CSGALNACT1: variants seen among roughly 807,000 people sequenced by gnomAD.
The protein encoded by CSGALNACT1 is beta4GalNAcT-1.
In CSGALNACT1, 52 loss-of-function variants were observed where a neutral mutation model predicts 51.0. The ratio of observed to expected loss-of-function variants is 1.02; its 90% CI spans 0.82 to 1.29. The LOEUF (loss-of-function observed/expected upper bound fraction) is 1.29, where lower values mean the gene tolerates loss of function less well. Among genes scored for constraint, CSGALNACT1 ranks in the 50% most tolerant of loss-of-function variants. The probability of loss-of-function intolerance (pLI) is 0.00; values close to 1 mark genes in which losing one functional copy is unlikely to be tolerated. For missense variants in CSGALNACT1, 935 were observed against 679.2 expected (o/e 1.38, Z -4.19); for synonymous variants, 341 against 254.4 (o/e 1.34, Z -3.24).
chr8:19,462,453 C>T (rs1336481303), intron 4 of CSGALNACT1, among the ~76,000 whole-genome samples: 2 of 152,074 alleles, frequency 1.3e-5, no homozygotes, highest in African/African-American at 4.8e-5. Flanking sequence ...ATACCTAAAC[C>T]TGTCTCAAGA....
intron 3 of CSGALNACT1, among the ~76,000 whole-genome samples, chr8:19,540,751 G>T (rs1051117890): frequency 8.5e-5 from 13 of 152,052 alleles, no homozygotes; most frequent in Admixed American, 5.2e-4. Context: ...GGAGAGCTTT[G>T]TTCACCCTGC....
At chr8:19,479,626 C>G (rs1030878270) in intron 4 of CSGALNACT1, among the ~76,000 whole-genome samples, 2 of 152,110 alleles carry the variant, frequency 1.3e-5, no homozygotes, top group African/African-American at 4.8e-5. Context: ...GCTGTTCTAA[C>G]CAGGCAAATA....
At chr8:19,657,372 A>G (rs1490501822) in intron 1 of CSGALNACT1, among the ~76,000 whole-genome samples, 2 of 152,202 alleles carry the variant, frequency 1.3e-5, no homozygotes, top group Non-Finnish European at 2.9e-5. Flanking sequence ...AAAAGGAAAG[A>G]ATGGATCAGA....
intron 3 of CSGALNACT1, among the ~76,000 whole-genome samples, chr8:19,518,963 G>A (rs1381219419): frequency 2.0e-5 from 3 of 152,280 alleles, no homozygotes; most frequent in African/African-American, 4.8e-5. Flanking sequence ...TCTCCTTCCT[G>A]ATAAAATGAT....
At chr8:19,724,669 C>T (rs1378456865) in intron 1 of CSGALNACT1, among the ~76,000 whole-genome samples, 2 of 152,222 alleles carry the variant, frequency 1.3e-5, no homozygotes, top group Admixed American at 1.3e-4. Flanking sequence ...CTGTTGCACC[C>T]TCAGCTAATA....
chr8:19,478,442 A>G (rs1425952754), intron 4 of CSGALNACT1, among the ~76,000 whole-genome samples: 1 of 144,978 alleles, frequency 6.9e-6, no homozygotes, highest in Non-Finnish European at 1.5e-5. Flanking sequence ...AAAAAAAGGT[A>G]CTGATGTCTG....
chr8:19,624,381 T>C (rs1202806551), intron 1 of CSGALNACT1, among the ~76,000 whole-genome samples: 1 of 152,238 alleles, frequency 6.6e-6, no homozygotes, highest in African/African-American at 2.4e-5. Context: ...ACTGCTTACA[T>C]GTCTTTATGT....
At chr8:19,563,732 C>A (rs1414467054) in intron 3 of CSGALNACT1, among the ~76,000 whole-genome samples, 2 of 152,164 alleles carry the variant, frequency 1.3e-5, no homozygotes, top group Non-Finnish European at 2.9e-5. Context: ...TCAAAGTCAG[C>A]GGATCCAGCC....
intron 3 of CSGALNACT1, chr8:19,585,137 T>C (rs1472507970): frequency 2.0e-5 from 3 of 152,250 alleles, no homozygotes; most frequent in African/African-American, 7.2e-5. Flanking sequence ...GATTACATAG[T>C]GCTTGAACAC....
intron 1 of CSGALNACT1, among the ~76,000 whole-genome samples, chr8:19,707,819 G>A (rs2062261140): frequency 6.6e-6 from 1 of 152,074 alleles, no homozygotes; most frequent in Non-Finnish European, 1.5e-5. Context: ...TGGCCAAGAT[G>A]GTGAAACCCT....
At chr8:19,607,279 A>G (rs1381453854), upstream of CSGALNACT1, among the ~76,000 whole-genome samples, 1 of 152,230 alleles carries the variant, frequency 6.6e-6, no homozygotes. Flanking sequence ...GATTCCCATC[A>G]CAAGCTAACT....
intron 6 of CSGALNACT1, among the ~76,000 whole-genome samples, chr8:19,425,141 G>A (rs942060995): frequency 6.6e-6 from 1 of 152,100 alleles, no homozygotes; most frequent in African/African-American, 2.4e-5. Flanking sequence ...TCAGGAGTTC[G>A]AGACTGAACT....
intron 6 of CSGALNACT1, among the ~76,000 whole-genome samples, chr8:19,427,560 G>C (rs1303588328): frequency 1.3e-5 from 2 of 152,024 alleles, no homozygotes; most frequent in African/African-American, 4.8e-5. Context: ...AGGCCGAGGC[G>C]GGCGGATCAC....
chr8:19,632,151 G>C (rs2055355919), intron 1 of CSGALNACT1, among the ~76,000 whole-genome samples: 2 of 152,326 alleles, frequency 1.3e-5, no homozygotes, highest in South Asian at 4.1e-4. Flanking sequence ...CTTGAAGAAA[G>C]AGAAATCACC....
At chr8:19,519,205 C>T (rs1320624345) in intron 3 of CSGALNACT1, among the ~76,000 whole-genome samples, 1 of 152,098 alleles carries the variant, frequency 6.6e-6, no homozygotes, top group Admixed American at 6.5e-5. Flanking sequence ...GGGGGTCTAC[C>T]AAGTACTGCT....
chr8:19,420,168 T>C (rs2057682499), intron 7 of CSGALNACT1, among the ~76,000 whole-genome samples, 172 bp downstream of exon 6: 1 of 152,244 alleles, frequency 6.6e-6, no homozygotes, highest in Non-Finnish European at 1.5e-5. Context: ...GGTGTGTCTT[T>C]ATTAGCCGCG....
intron 1 of CSGALNACT1, among the ~76,000 whole-genome samples, chr8:19,713,320 T>A (rs1449509912): frequency 6.6e-6 from 1 of 152,128 alleles, no homozygotes; most frequent in African/African-American, 2.4e-5. Flanking sequence ...ATGAAAGGCT[T>A]CAGGTAGGAG....
chr8:19,428,473 G>A (rs1339104483), intron 6 of CSGALNACT1, among the ~76,000 whole-genome samples: 4 of 152,072 alleles, frequency 2.6e-5, no homozygotes, highest in Admixed American at 6.5e-5. Context: ...AGAACTGTGT[G>A]GGGGAAAATG....
chr8:19,537,781 A>G lies in CSGALNACT1; in HGVS notation c.-296-31651T>C, dbSNP rs185964305. Among the ~76,000 whole-genome samples the G allele has an allele frequency of 6.6e-5, 10 of 152,358 alleles. No homozygotes were observed. The East Asian group carries it at 1.5e-3, about 23-fold the overall frequency. On this transcript the variant is annotated intron_variant, in intron 3 of 9. Transcript: ENST00000454498. ...CCCAGAGTTAAATGTAAGAGATTAA[A>G]CTTTTAAAACTTTTAGGAAAAAACA...
Sources: allele counts gnomAD v4.1 joint callset (sites outside exome capture counted in the v4.1 genomes callset), GRCh38; gene constraint gnomAD v4.1.1; transcripts MANE v1.5; gene names NCBI Gene and HGNC (gene_info 2026-07-23, HGNC 2026-07-21).